The following RIMS2 variants were observed in gnomAD, a reference collection of about 807,000 sequenced individuals.
The protein encoded by RIMS2 is regulating synaptic membrane exocytosis 2.
A neutral mutation model predicts 174.4 loss-of-function variants in RIMS2; 59 were observed. The ratio of observed to expected loss-of-function variants is 0.34; its 90% CI spans 0.27 to 0.42. The LOEUF (loss-of-function observed/expected upper bound fraction) is 0.42, where lower values mean the gene tolerates loss of function less well. Ranked by LOEUF, RIMS2 falls within the 10% of genes least tolerant of loss-of-function variation. The pLI is 1.00. For synonymous variants in RIMS2, 606 were observed against 572.5 expected (o/e 1.06, Z -0.84); for missense variants, 1,620 against 1,666.3 (o/e 0.97, Z 0.48).
At chr8:104,051,593 A>G (rs1490695616) in intron 19 of RIMS2, among the ~76,000 whole-genome samples, 3 of 152,148 alleles carry the variant, frequency 2.0e-5, no homozygotes, top group Non-Finnish European at 2.9e-5. Flanking sequence ...CAAAAAGAAA[A>G]GGGAGAAGAT....
chr8:103,608,001 C>T (rs373468205), intron 1 of RIMS2, among the ~76,000 whole-genome samples: 17 of 147,898 alleles, frequency 1.1e-4, no homozygotes, highest in African/African-American at 3.3e-4. Flanking sequence ...TCTCTCAGCT[C>T]GTCAAAGTCA....
At chr8:104,179,946 G>T (rs1366005372) in intron 19 of RIMS2, among the ~76,000 whole-genome samples, 1 of 151,638 alleles carries the variant, frequency 6.6e-6, no homozygotes, top group Non-Finnish European at 1.5e-5. Flanking sequence ...ATACATTCCA[G>T]TATGTACCCT....
At chr8:104,183,592 A>G (rs1454450190) in intron 19 of RIMS2, among the ~76,000 whole-genome samples, 1 of 151,550 alleles carries the variant, frequency 6.6e-6, no homozygotes, top group Non-Finnish European at 1.5e-5. Flanking sequence ...TTTGAAAATA[A>G]ACTTTGACTT....
At chr8:104,251,890 A>T (rs905364052), downstream of RIMS2, 3 of 899,356 alleles carry the variant, frequency 3.3e-6, no homozygotes, top group Non-Finnish European at 5.4e-6. Flanking sequence ...CAGGTTGCAA[A>T]CCCTGGTAAC....
chr8:104,113,824 C>T (rs977188479), intron 19 of RIMS2, among the ~76,000 whole-genome samples: 42 of 151,758 alleles, frequency 2.8e-4, no homozygotes, highest in Admixed American at 1.7e-3. Flanking sequence ...GAACAGGCTA[C>T]TCCCCCTATC....
chr8:103,561,124 G>T (rs1587778223), intron 1 of RIMS2, among the ~76,000 whole-genome samples: 1 of 152,224 alleles, frequency 6.6e-6, no homozygotes, highest in African/African-American at 2.4e-5. Flanking sequence ...GCAGCTTCCT[G>T]CGGCTTTTTC....
intron 19 of RIMS2, among the ~76,000 whole-genome samples, chr8:104,021,182 TAC>T (rs1159777918): frequency 2.0e-5 from 3 of 152,026 alleles, no homozygotes; most frequent in Non-Finnish European, 1.5e-5. Context: ...AAAGAATGTC[TAC>T]AGTGTTATTT....
At chr8:103,519,069 T>G (rs913583296) in intron 1 of RIMS2, among the ~76,000 whole-genome samples, 9 of 152,150 alleles carry the variant, frequency 5.9e-5, no homozygotes, top group Non-Finnish European at 1.3e-4. Context: ...CACCCTTTCA[T>G]GTATCTTTAC....
chr8:103,605,192 A>G (rs200766028), intron 1 of RIMS2, among the ~76,000 whole-genome samples: 8 of 88,452 alleles, frequency 9.0e-5, no homozygotes, highest in East Asian at 3.2e-4. Context: ...CTAATTTATT[A>G]AGAGTTTTTA....
At chr8:103,530,830 T>C (rs1276750750) in intron 1 of RIMS2, among the ~76,000 whole-genome samples, 3 of 151,998 alleles carry the variant, frequency 2.0e-5, no homozygotes, top group Admixed American at 2.0e-4. Context: ...TTAGAAATCA[T>C]AATGATATTG....
chr8:104,139,228 A>T (rs1275116022), intron 19 of RIMS2, among the ~76,000 whole-genome samples: 1 of 152,126 alleles, frequency 6.6e-6, no homozygotes, highest in East Asian at 1.9e-4. Flanking sequence ...CTTTTTGTTT[A>T]GGATAGCTTT....
At chr8:104,244,825 C>G in intron 19 of RIMS2, 91 bp from the exon 26 acceptor site, 1 of 996,940 alleles carries the variant, frequency 1.0e-6, no homozygotes, top group Non-Finnish European at 1.5e-6. Flanking sequence ...TTACACAGTT[C>G]TTTGCATCTG....
chr8:103,707,064 G>A (rs535512338), intron 2 of RIMS2, among the ~76,000 whole-genome samples: 1 of 152,234 alleles, frequency 6.6e-6, no homozygotes, highest in East Asian at 1.9e-4. Context: ...TCCACACGGA[G>A]ACATTCTAAT....
At chr8:103,936,934 A>T (rs986621808) in intron 13 of RIMS2, among the ~76,000 whole-genome samples, 1 of 152,024 alleles carries the variant, frequency 6.6e-6, no homozygotes, top group African/African-American at 2.4e-5. Context: ...TCTCTACTAC[A>T]GATACAAAAA....
chr8:103,604,362 C>T (rs2133887725), intron 1 of RIMS2, among the ~76,000 whole-genome samples: 1 of 152,084 alleles, frequency 6.6e-6, no homozygotes, highest in South Asian at 2.1e-4. Flanking sequence ...ATCTATATCT[C>T]TGTTTTGGTA....
intron 2 of RIMS2, 107 bp from the exon 6 acceptor site, chr8:103,766,120 C>T (rs1231200405): frequency 3.0e-6 from 2 of 660,098 alleles, no homozygotes; most frequent in African/African-American, 3.6e-5. Flanking sequence ...GTTTTAACTT[C>T]AGAAGGATAA....
rs534731408 is a variant in RIMS2, at chr8:103,781,568, G to A, written c.698+15031G>A. On this transcript the variant is annotated intron_variant, in intron 3 of 23. Transcript: ENST00000504942. ...GATAGGTACTTGAAAAAGTTACTAC[G>A]CTTATTTTAAAAAACGGTTCAAAAT... 3.9e-5 allele frequency among the ~76,000 whole-genome samples: 6 copies of A among 152,012 alleles called. No homozygotes were observed. The East Asian group carries it at 5.8e-4, about 15-fold the overall frequency.
At chr8:103,979,420 T>C (rs2093704467) in intron 16 of RIMS2, among the ~76,000 whole-genome samples, 1 of 152,140 alleles carries the variant, frequency 6.6e-6, no homozygotes, top group Admixed American at 6.5e-5. Context: ...AGTATGGAGG[T>C]ACCTCCAAAA....
At chr8:103,642,270 T>A (rs977128881) in intron 1 of RIMS2, among the ~76,000 whole-genome samples, 13 of 152,140 alleles carry the variant, frequency 8.5e-5, no homozygotes, top group Non-Finnish European at 1.9e-4. Flanking sequence ...TTATTTACAA[T>A]GAATCCAAGT....
Sources: gnomAD v4.1 joint callset for allele counts (sites outside exome capture counted in the v4.1 genomes callset) on GRCh38, gnomAD v4.1.1 for gene constraint, MANE v1.5 for transcripts, NCBI Gene and HGNC (gene_info 2026-07-23, HGNC 2026-07-21) for gene names.